The following CPEB3 variants were observed in gnomAD, a reference collection of about 807,000 sequenced individuals.
The protein encoded by CPEB3 is cytoplasmic polyadenylation element binding protein 3.
Under a neutral mutation model 67.2 loss-of-function variants are expected in CPEB3, and 20 were observed. That is an observed-to-expected ratio of 0.30 (90% CI 0.21 to 0.43). The LOEUF (loss-of-function observed/expected upper bound fraction) is 0.43. Ranked by LOEUF, CPEB3 falls within the 20% of genes least tolerant of loss-of-function variation. CPEB3 has a pLI of 1.00. For missense variants in CPEB3, 746 were observed against 968.6 expected (o/e 0.77, Z 3.05); for synonymous variants, 376 against 393.1 (o/e 0.96, Z 0.51).
chr10:92,089,655 C>T (rs1473542851), intron 8 of CPEB3, among the ~76,000 whole-genome samples: 2 of 151,972 alleles, frequency 1.3e-5, no homozygotes, highest in South Asian at 4.2e-4. Flanking sequence ...TGGTGGTGTG[C>T]GCCTGTAGTC....
At chr10:92,245,932 G>A (rs1423347516) in intron 1 of CPEB3, among the ~76,000 whole-genome samples, 1 of 152,086 alleles carries the variant, frequency 6.6e-6, no homozygotes, top group Non-Finnish European at 1.5e-5. Flanking sequence ...CATCTACTCA[G>A]GAGGCTGAGG....
intron 3 of CPEB3, 31 bp from the exon 4 acceptor site, chr10:92,181,050 A>G (rs1365092272): frequency 1.7e-6 from 2 of 1,143,084 alleles, no homozygotes; most frequent in Non-Finnish European, 2.6e-6. Context: ...AAGCAAAAAG[A>G]ATGTTTAATG....
At chr10:92,279,557 G>A (rs895482199) in intron 1 of CPEB3, among the ~76,000 whole-genome samples, 4 of 152,094 alleles carry the variant, frequency 2.6e-5, no homozygotes, top group African/African-American at 4.8e-5. Flanking sequence ...CCTTCCAACA[G>A]AAGATCTGCT....
intron 2 of CPEB3, among the ~76,000 whole-genome samples, chr10:92,222,965 T>C (rs1850774784): frequency 1.3e-5 from 2 of 152,232 alleles, no homozygotes; most frequent in Admixed American, 6.5e-5. Context: ...TATAATAACA[T>C]GCACTGATTT....
intron 5 of CPEB3, among the ~76,000 whole-genome samples, chr10:92,143,908 CTT>C (rs1564815597): frequency 6.6e-6 from 1 of 152,136 alleles, no homozygotes; most frequent in Non-Finnish European, 1.5e-5. Flanking sequence ...CTTTTTGAGA[CTT>C]TTCTCCTGTC....
chr10:92,199,259 C>T (rs10882030), intron 2 of CPEB3, among the ~76,000 whole-genome samples: 33,656 of 151,510 alleles, frequency 0.22, 4,680 homozygotes, highest in Middle Eastern at 0.34. Context: ...GGCATGGTGG[C>T]GCATGCCTGT....
chr10:92,208,863 G>A (rs1374655430), intron 2 of CPEB3, among the ~76,000 whole-genome samples: 1 of 152,124 alleles, frequency 6.6e-6, no homozygotes, highest in Non-Finnish European at 1.5e-5. Context: ...CTAAAGTGCT[G>A]AGATTACAGG....
At chr10:92,209,050 AATTC>A (rs1429141549) in intron 2 of CPEB3, among the ~76,000 whole-genome samples, 2 of 152,218 alleles carry the variant, frequency 1.3e-5, no homozygotes, top group Middle Eastern at 3.4e-3. Flanking sequence ...TTTTATCTTT[AATTC>A]TTGGCATATT....
chr10:92,112,392 G>T (rs188988559), intron 6 of CPEB3, among the ~76,000 whole-genome samples: 12 of 152,218 alleles, frequency 7.9e-5, no homozygotes, highest in Admixed American at 3.9e-4. Flanking sequence ...TGATCCATCT[G>T]CCTCGGCCTC....
rs371021105 is a variant in CPEB3, at chr10:92,239,956, C to A, written c.395G>T (p.Gly132Val). 6.2e-7 allele frequency: 1 copy of A among 1,613,344 alleles called. No homozygotes were observed. The highest frequency in any genetic ancestry group is 2.2e-5 in the East Asian group (1 of 44,836). Residue 132 changes from glycine to valine, a missense_variant, in exon 2 of 10, where the codon GGG (glycine) becomes GTG (valine). By Grantham distance (109) the Gly-to-Val change is moderately radical (BLOSUM62 -3). Coordinates refer to ENST00000265997, the MANE Select transcript of CPEB3 (RefSeq NM_014912.5). The surrounding 1 kb of genome is among the most constrained non-coding windows in gnomAD (Gnocchi z 6.0). ...CGGGAAGTTCTGGAAGAGCATGGTC[C>A]CGTTGACTGGGGTGATCCCCTGGAA... ...SFFQGITPVN[G>V]TMLFQNFPHH... is the part of the protein sequence containing the mutation.
At chr10:92,081,083 T>C (rs1843134131) in intron 9 of CPEB3, among the ~76,000 whole-genome samples, 1 of 152,220 alleles carries the variant, frequency 6.6e-6, no homozygotes, top group African/African-American at 2.4e-5. Context: ...TGCTAAATTT[T>C]GCAGGATTAT....
At chr10:92,100,456 A>C (rs1356475514) in intron 7 of CPEB3, among the ~76,000 whole-genome samples, 3 of 151,802 alleles carry the variant, frequency 2.0e-5, no homozygotes, top group African/African-American at 7.3e-5. Flanking sequence ...TTGTATTTTT[A>C]GTAGAGACTG....
chr10:92,196,638 C>T (rs1849247667), intron 2 of CPEB3, among the ~76,000 whole-genome samples: 1 of 151,822 alleles, frequency 6.6e-6, no homozygotes, highest in South Asian at 2.1e-4. Flanking sequence ...CATGGTGACA[C>T]GCGCCTGTAG....
chr10:92,202,711 G>A, intron 2 of CPEB3, among the ~76,000 whole-genome samples: 1 of 151,452 alleles, frequency 6.6e-6, no homozygotes, highest in Non-Finnish European at 1.5e-5. Flanking sequence ...ATTGCCTAAG[G>A]CTGGGAAATC....
At chr10:92,060,317 T>C (rs944683881) in intron 9 of CPEB3, among the ~76,000 whole-genome samples, 1 of 152,096 alleles carries the variant, frequency 6.6e-6, no homozygotes, top group Non-Finnish European at 1.5e-5. Context: ...GCCACCGCAC[T>C]CTAGCCTGGG....
At chr10:92,253,486 AAAAG>A (rs1243979355) in intron 1 of CPEB3, among the ~76,000 whole-genome samples, 4 of 148,070 alleles carry the variant, frequency 2.7e-5, no homozygotes, top group Admixed American at 6.7e-5. Context: ...AAAAAAAAAG[AAAAG>A]AAAGAAAAGA....
intron 3 of CPEB3, among the ~76,000 whole-genome samples, chr10:92,190,719 G>C (rs1419541080): frequency 1.5e-5 from 2 of 129,672 alleles, no homozygotes; most frequent in East Asian, 2.4e-4. Flanking sequence ...GGAAAAACCA[G>C]ATAGTAGAGG....
chr10:92,193,650 T>G (rs1849089397), intron 2 of CPEB3, among the ~76,000 whole-genome samples: 1 of 151,228 alleles, frequency 6.6e-6, no homozygotes. Context: ...AGATGGGGTC[T>G]CACTATGTTG....
Position 92,192,645 on chromosome 10 carries a change from A to T in CPEB3, c.1006-9T>A, listed in dbSNP as rs1849036075. On this transcript the variant is annotated splice_polypyrimidine_tract_variant and intron_variant, in intron 2 of 9. Coordinates refer to ENST00000265997, the MANE Select transcript of CPEB3 (RefSeq NM_014912.5). Reference sequence around the variant, plus strand: ...TAGGGCCTACTCCGGTCCTAAGAATAAAAACAAAAACAAGACAATACATAA... The same window carrying T: ...TAGGGCCTACTCCGGTCCTAAGAATTAAAACAAAAACAAGACAATACATAA... 2 of 1,565,282 alleles carry T rather than the reference A, an allele frequency of 1.3e-6. No individual in the cohort carries two copies. The highest frequency in any genetic ancestry group is 1.7e-4 in the Middle Eastern group (1 of 5,848).
Sources: allele counts gnomAD v4.1 joint callset (sites outside exome capture counted in the v4.1 genomes callset), GRCh38; gene constraint gnomAD v4.1.1; non-coding constraint Gnocchi (gnomAD v3.1); transcripts MANE v1.5; gene names NCBI Gene and HGNC (gene_info 2026-07-23, HGNC 2026-07-21).